HTR1F: variants seen among roughly 807,000 people sequenced by gnomAD.
HTR1F encodes the protein 5-hydroxytryptamine (serotonin) receptor 1F, G protein-coupled.
Under a neutral mutation model 24.0 loss-of-function variants are expected in HTR1F, and 17 were observed. That is an observed-to-expected ratio of 0.71 (90% CI 0.48 to 1.06). The LOEUF is 1.06. Ranked by LOEUF, HTR1F falls within the 50% of genes least tolerant of loss-of-function variation. The pLI is 0.00. For missense variants in HTR1F, 391 were observed against 427.8 expected, an observed-to-expected ratio of 0.91 and a Z score of 0.76; for synonymous variants, 186 against 156.8, an observed-to-expected ratio of 1.19 and a Z score of -1.39.
At chr3:87,850,596 A>G (rs1181042084) in intron 2 of HTR1F, among the ~76,000 whole-genome samples, 2 of 146,478 alleles carry the variant, frequency 1.4e-5, no homozygotes, top group South Asian at 4.2e-4. Flanking sequence ...ACCCTAAAAC[A>G]TAAGTATAAT....
At chr3:87,956,666 G>C (rs72915662) in intron 2 of HTR1F, among the ~76,000 whole-genome samples, 1 of 151,142 alleles carries the variant, frequency 6.6e-6, no homozygotes, top group African/African-American at 2.4e-5. Context: ...TCTCAACCAT[G>C]TTCCATAATT....
chr3:87,813,567 T>A (rs1201858224), intron 1 of HTR1F, among the ~76,000 whole-genome samples: 1 of 152,170 alleles, frequency 6.6e-6, no homozygotes, highest in Non-Finnish European at 1.5e-5. Flanking sequence ...ATGATTGGTT[T>A]TGAACTGTGA....
intron 2 of HTR1F, among the ~76,000 whole-genome samples, chr3:87,837,138 T>C (rs1401459498): frequency 1.3e-5 from 2 of 152,128 alleles, no homozygotes; most frequent in East Asian, 3.8e-4. Context: ...TACTATTAAA[T>C]AGGCTTTTTT....
At chr3:87,815,510 A>G (rs1704234092) in intron 1 of HTR1F, among the ~76,000 whole-genome samples, 1 of 152,060 alleles carries the variant, frequency 6.6e-6, no homozygotes, top group Non-Finnish European at 1.5e-5. Flanking sequence ...GGCTTTATTT[A>G]TGTTTTTATT....
chr3:87,907,926 G>A (rs2915287), intron 2 of HTR1F, among the ~76,000 whole-genome samples: 13,597 of 151,890 alleles, frequency 0.09, 1,901 homozygotes, highest in African/African-American at 0.3. Context: ...ATTAGTATAA[G>A]TTTCTGTCTG....
rs1705871605 is a variant in HTR1F, at chr3:87,993,147, T to C, written c.*1297T>C. 1 of 166,900 alleles carries C rather than the reference T, an allele frequency of 6.0e-6. No individual in the cohort carries two copies. Among genetic ancestry groups the C allele is most frequent in the Non-Finnish European group, 1.5e-5 (1 of 68,086 alleles). 10.3% of individuals were successfully genotyped at this position (166,900 alleles called of 1,614,324 possible). A position where few individuals can be genotyped will look rare whatever the true frequency, so the allele number is the denominator to read the frequency against. On this transcript the variant is annotated 3_prime_UTR_variant, in exon 3 of 3. Transcript: ENST00000319595. ...AACCAAGATCGTTTGAAAAACAATA[T>C]ATACCTTTTTTTAAGTTGTACATTT...
intron 2 of HTR1F, among the ~76,000 whole-genome samples, chr3:87,889,940 G>A (rs1397687289): frequency 6.6e-6 from 1 of 152,166 alleles, no homozygotes; most frequent in Admixed American, 6.5e-5. Flanking sequence ...AACACATTCT[G>A]AAGTGTCATA....
chr3:87,948,836 AT>A, intron 2 of HTR1F, among the ~76,000 whole-genome samples: 2 of 152,280 alleles, frequency 1.3e-5, no homozygotes, highest in East Asian at 3.9e-4. Flanking sequence ...AGAAGACTTA[AT>A]TTTTAATGTT....
At chr3:87,925,266 C>A (rs566625483) in intron 2 of HTR1F, among the ~76,000 whole-genome samples, 1 of 152,226 alleles carries the variant, frequency 6.6e-6, no homozygotes, top group East Asian at 1.9e-4. Flanking sequence ...AGATGCTGGG[C>A]AGAACAGTCC....
At chr3:87,872,357 C>G (rs967804796) in intron 2 of HTR1F, among the ~76,000 whole-genome samples, 4 of 151,898 alleles carry the variant, frequency 2.6e-5, no homozygotes, top group Non-Finnish European at 5.9e-5. Context: ...CTTCTTGTTA[C>G]TATGCAAGTA....
At chr3:87,805,074 A>G (rs1418876437) in intron 1 of HTR1F, among the ~76,000 whole-genome samples, 5 of 152,092 alleles carry the variant, frequency 3.3e-5, no homozygotes, top group Non-Finnish European at 5.9e-5. Flanking sequence ...TAATTTTACC[A>G]TCTACTGGGT....
intron 2 of HTR1F, among the ~76,000 whole-genome samples, chr3:87,960,804 C>A (rs566828549): frequency 6.6e-6 from 1 of 151,982 alleles, no homozygotes; most frequent in East Asian, 1.9e-4. Context: ...CAGAGTGAGT[C>A]GTTTGAAATC....
intron 2 of HTR1F, among the ~76,000 whole-genome samples, chr3:87,939,130 T>C (rs1704499378): frequency 6.6e-6 from 1 of 152,174 alleles, no homozygotes; most frequent in Non-Finnish European, 1.5e-5. Flanking sequence ...ATTGAGATAA[T>C]CGTGTAGTTT....
intron 1 of HTR1F, among the ~76,000 whole-genome samples, chr3:87,794,945 G>A (rs930315215): frequency 4.1e-5 from 6 of 146,806 alleles, no homozygotes; most frequent in Admixed American, 1.4e-4. Context: ...AAAGTTGGGC[G>A]CATATTTTTC....
chr3:87,913,396 A>T (rs1244861040), intron 2 of HTR1F, among the ~76,000 whole-genome samples: 1 of 152,188 alleles, frequency 6.6e-6, no homozygotes, highest in Non-Finnish European at 1.5e-5. Flanking sequence ...AGACCCAGTA[A>T]CACCAGTCAG....
intron 2 of HTR1F, among the ~76,000 whole-genome samples, chr3:87,917,929 A>G (rs147719632): frequency 0.022 from 3,288 of 152,074 alleles, 122 homozygotes; most frequent in African/African-American, 0.075. Context: ...AAAGAAAATT[A>G]CAGACCAATA....
rs147455956 is a variant in HTR1F at position 87,953,745 on chromosome 3, T to C, written c.-42-36963T>C. Among the ~76,000 whole-genome samples the C allele has an allele frequency of 1.0e-3, 153 of 151,932 alleles. 1 individual carries two copies. In the Middle Eastern group the frequency reaches 0.017, roughly 17 times the overall value. Reference sequence around the variant, plus strand: ...AGGATACCTGCACCCCCATGATTAATGCAACGCTATTCACAATAGCCAAGA... The same window carrying C: ...AGGATACCTGCACCCCCATGATTAACGCAACGCTATTCACAATAGCCAAGA... On this transcript the variant is annotated intron_variant, in intron 2 of 2. Coordinates refer to ENST00000319595, the MANE Select transcript of HTR1F (RefSeq NM_001322209.2).
intron 2 of HTR1F, among the ~76,000 whole-genome samples, chr3:87,902,150 T>C (rs929439298): frequency 6.6e-6 from 1 of 152,060 alleles, no homozygotes; most frequent in African/African-American, 2.4e-5. Flanking sequence ...AAACCAGACA[T>C]CTTAAATGAT....
chr3:87,913,702 T>TTGGGTAAAATAAATGTGGTACAATAAATA (rs1703830067), intron 2 of HTR1F, among the ~76,000 whole-genome samples: 1 of 152,132 alleles, frequency 6.6e-6, no homozygotes, highest in East Asian at 1.9e-4. Flanking sequence ...CAATGGCAGA[T>TTGGGTAAAATAAATGTGGTACAATAAATA]TGGGTAAAAT....
Sources: gnomAD v4.1 joint callset for allele counts (sites outside exome capture counted in the v4.1 genomes callset) on GRCh38, gnomAD v4.1.1 for gene constraint, MANE v1.5 for transcripts, NCBI Gene and HGNC (gene_info 2026-07-23, HGNC 2026-07-21) for gene names.